Variants in SLC26A11 observed in about 807,000 individuals in gnomAD.
SLC26A11 encodes the protein solute carrier family 26 member 11, also known as sodium-independent sulfate anion transporter.
Under a neutral mutation model 62.2 loss-of-function variants are expected in SLC26A11, and 58 were observed. That is an observed-to-expected ratio of 0.93 (90% CI 0.76 to 1.16). The LOEUF is 1.16. Among genes scored for constraint, SLC26A11 ranks in the 50% most tolerant of loss-of-function variants. SLC26A11 has a pLI of 0.00. For synonymous variants in SLC26A11, 411 were observed against 368.9 expected, an observed-to-expected ratio of 1.11 and a Z score of -1.31; for missense variants, 790 against 794.3, an observed-to-expected ratio of 0.99 and a Z score of 0.06.
rs567751738 is a variant in SLC26A11, at chr17:80,225,877, T to G, written c.554T>G (p.Leu185Arg). Residue 185 changes from leucine to arginine, a missense_variant, in exon 6 of 18, where the codon CTG becomes CGG. By Grantham distance (102) the Leu-to-Arg change is moderately radical (BLOSUM62 -2). Transcript: ENST00000361193. ...GLQNIPRPFFLQVYHTFLRIA... is the reference protein window; with the variant it reads ...GLQNIPRPFFRQVYHTFLRIA... Reference sequence around the variant, plus strand: ...CAGAACATCCCCAGGCCGTTCTTCCTGCAGGTGTACCACACCTTCCTCAGG... The same window carrying G: ...CAGAACATCCCCAGGCCGTTCTTCCGGCAGGTGTACCACACCTTCCTCAGG... 8.1e-6 allele frequency: 13 copies of G among 1,614,058 alleles called. No homozygotes were observed. The African/African-American group carries it at 1.7e-4, about 22-fold the overall frequency.
chr17:80,223,138 C>A lies in SLC26A11; in HGVS notation c.428-114C>A. 1 of 966,552 alleles carries A rather than the reference C, an allele frequency of 1.0e-6. No individual in the cohort carries two copies. Among genetic ancestry groups the A allele is most frequent in the South Asian group, 1.4e-5 (1 of 72,440 alleles). 59.9% of individuals were successfully genotyped at this position (966,552 alleles called of 1,614,324 possible). On this transcript the variant is annotated intron_variant, in intron 4 of 17. Transcript: ENST00000361193. This position sits in a 1 kb window ranked among gnomAD's most constrained non-coding sequence, Gnocchi z 4.6. ...GTGTGTTACCCCCAGTCCTTAGCTG[C>A]GGTATCTGCTCCCCAATCCCACCCA... is the stretch of plus-strand genomic sequence containing the variant.
chr17:80,237,144 C>T (rs1249795066), intron 8 of SLC26A11, 41 bp downstream of exon 8: 23 of 1,591,130 alleles, frequency 1.4e-5, no homozygotes, highest in Non-Finnish European at 2.0e-5. Flanking sequence ...GCTGAGGCTG[C>T]GGTGGCCCCT....
intron 6 of SLC26A11, 138 bp from the exon 7 acceptor site, chr17:80,227,680 G>A (rs2042447813): frequency 3.3e-6 from 4 of 1,200,794 alleles, no homozygotes; most frequent in East Asian, 2.4e-5. Context: ...ACTCACTGTG[G>A]TCTGGGACCA....
rs145160723 is a variant in SLC26A11 at position 80,237,011 on chromosome 17, G to C, written c.820G>C (p.Gly274Arg). Reference sequence around the variant, plus strand: ...TGGATACCAGCCTTTCATCCTAACAGGGGAGACAGCTGAGGGGCTCCCTCC... The same window carrying C: ...TGGATACCAGCCTTTCATCCTAACACGGGAGACAGCTGAGGGGCTCCCTCC... ...VTGYQPFILTGETAEGLPPVR... is the reference protein window; with the variant it reads ...VTGYQPFILTRETAEGLPPVR... The change falls in exon 8 of 18, where the codon GGG (glycine) becomes CGG (arginine). Residue 274 changes from glycine (G) to arginine (R), a missense_variant. Transcript: ENST00000361193. 1.8e-3 allele frequency: 2,898 copies of C among 1,613,698 alleles called. 10 individuals are homozygous for C. The highest frequency in any genetic ancestry group is 1.7e-3 in the Non-Finnish European group (2,047 of 1,179,688).
chr17:80,250,720 A>G (rs2144990277), intron 16 of SLC26A11, among the ~76,000 whole-genome samples: 1 of 152,162 alleles, frequency 6.6e-6, no homozygotes, highest in South Asian at 2.1e-4. Flanking sequence ...CCAGCTGCTC[A>G]GGGGGCTGAG....
chr17:80,230,127 G>A (rs781382026), intron 7 of SLC26A11, among the ~76,000 whole-genome samples: 3 of 151,356 alleles, frequency 2.0e-5, no homozygotes, highest in Non-Finnish European at 2.9e-5. Flanking sequence ...CCCGGGAGGC[G>A]GAGGTTATAG....
intron 5 of SLC26A11, among the ~76,000 whole-genome samples, chr17:80,224,457 G>C (rs1282319993): frequency 8.0e-6 from 1 of 125,678 alleles, no homozygotes; most frequent in African/African-American, 3.0e-5. Context: ...GTGAGTGTGA[G>C]AGTGTGAGTG....
chr17:80,247,265 A>G (rs1241354397), intron 13 of SLC26A11, among the ~76,000 whole-genome samples: 2 of 151,908 alleles, frequency 1.3e-5, no homozygotes, highest in African/African-American at 4.8e-5. Flanking sequence ...CACGGCAACC[A>G]TCCGATTTCT....
Position 80,251,349 on chromosome 17 carries a change from G to C in SLC26A11, c.1677G>C (p.Leu559=). Residue 559 remains leucine, a synonymous_variant, in exon 17 of 18, where the codon CTG becomes CTC. Transcript: ENST00000361193. ...CTCAGGTCCCCGTTCTCCGTGTCCTGCTGTCCGCTGACCTGAAGGGGTTCC... is the reference window on the plus strand; with the variant it reads ...CTCAGGTCCCCGTTCTCCGTGTCCTCCTGTCCGCTGACCTGAAGGGGTTCC... ...VGLQVPVLRV[L]LSADLKGFQY... is the part of the protein sequence containing the mutation. 3.1e-6 allele frequency: 5 copies of C among 1,614,058 alleles called. No individual in the cohort carries two copies. Among genetic ancestry groups the C allele is most frequent in the Non-Finnish European group, 4.2e-6 (5 of 1,179,976 alleles).
rs1051751228 is a variant in SLC26A11, at chr17:80,223,504, CCT to C, written c.513+168_513+169del. ...AAGCACGCGGTGCTCTCATGGGTCC[CCT>C]GTTAATAAAATGACCCTCCTGGGAG... is the stretch of plus-strand genomic sequence containing the variant. On this transcript the variant is annotated intron_variant, in intron 5 of 17. Coordinates refer to ENST00000361193, the MANE Select transcript of SLC26A11 (RefSeq NM_001166347.2). The surrounding 1 kb of genome is among the most constrained non-coding windows in gnomAD (Gnocchi z 4.6). Among the ~76,000 whole-genome samples, 2 of 152,186 alleles carry C rather than the reference CCT, an allele frequency of 1.3e-5. No homozygotes were observed. The highest frequency in any genetic ancestry group is 4.8e-5 in the African/African-American group (2 of 41,430).
In SLC26A11 at chr17:80,227,907, A is replaced by C. The variant is rs2042455160; in HGVS notation, c.683A>C (p.Glu228Ala). ...GACCACGTGCCTCCCGTCCACCCCG[A>C]GATGCCCCCTGGTGTGCGGCTCAGC... is the stretch of plus-strand genomic sequence containing the variant. ...MRDHVPPVHPEMPPGVRLSRG... is the reference protein window; with the variant it reads ...MRDHVPPVHPAMPPGVRLSRG... The change falls in exon 7 of 18, where the codon GAG becomes GCG. Residue 228 changes from glutamate to alanine, a missense_variant. Coordinates refer to ENST00000361193, the MANE Select transcript of SLC26A11 (RefSeq NM_001166347.2). 6.2e-7 allele frequency: 1 copy of C among 1,601,280 alleles called. No individual in the cohort carries two copies.
At chr17:80,237,443 G>T (rs2042729308) in intron 8 of SLC26A11, 79 bp from the exon 9 acceptor site, 2 of 1,346,724 alleles carry the variant, frequency 1.5e-6, no homozygotes, top group Admixed American at 2.2e-5. Context: ...GGGCGGGGTG[G>T]GTCCTTGCTG....
intron 13 of SLC26A11, among the ~76,000 whole-genome samples, chr17:80,247,331 A>C (rs373799285): frequency 6.6e-6 from 1 of 151,966 alleles, no homozygotes. Context: ...CATTGTCATC[A>C]TGGCGCGTTC....
chr17:80,241,456 T>G (rs1212868815), intron 9 of SLC26A11, among the ~76,000 whole-genome samples: 1 of 152,104 alleles, frequency 6.6e-6, no homozygotes, highest in Non-Finnish European at 1.5e-5. Flanking sequence ...GATGAGATTT[T>G]GCCATGTTGC....
rs766772818 is a variant in SLC26A11, at chr17:80,237,512, C to T, written c.913-10C>T. The T allele has an allele frequency of 1.6e-5, 25 of 1,607,438 alleles. No homozygotes were observed. The South Asian group carries it at 2.7e-4, about 17-fold the overall frequency. On this transcript the variant is annotated splice_polypyrimidine_tract_variant and intron_variant, in intron 8 of 17. Transcript: ENST00000361193. ...GGAAGGTCACTCACCATCCCTCTCT[C>T]CTCTCTCAGGACATGGGAGCCGGGC... is the stretch of plus-strand genomic sequence containing the variant.
In SLC26A11 at chr17:80,250,829, AAAAC is replaced by A. The variant is rs71365594; in HGVS notation, c.1657-484_1657-481del. On this transcript the variant is annotated intron_variant, in intron 16 of 17. Coordinates refer to ENST00000361193, the MANE Select transcript of SLC26A11 (RefSeq NM_001166347.2). The stretch of plus-strand genomic sequence containing the variant: ...GTAACAAGAGTGAAACTCCATCTCA[AAAAC>A]AAACAAACAAACAAAAAGTCCTCTG... 1.4e-3 allele frequency among the ~76,000 whole-genome samples: 203 copies of A among 150,138 alleles called. 2 individuals are homozygous for A. The highest frequency in any genetic ancestry group is 4.3e-3 in the African/African-American group (177 of 40,928).
rs1567949095 is a variant in SLC26A11 at position 80,228,452 on chromosome 17, ACT to A, written c.736+495_736+496del. On this transcript the variant is annotated intron_variant, in intron 7 of 17. Coordinates refer to ENST00000361193, the MANE Select transcript of SLC26A11 (RefSeq NM_001166347.2). The surrounding 1 kb of genome is among the most constrained non-coding windows in gnomAD (Gnocchi z 4.1). The stretch of plus-strand genomic sequence containing the variant: ...CGACCCAAACTCTAGAACATTTAAA[ACT>A]CTGAGCCAAACTCGGTGGGTTCTGA... Among the ~76,000 whole-genome samples the A allele has an allele frequency of 6.6e-6, 1 of 151,706 alleles. No homozygotes were observed. Among genetic ancestry groups the A allele is most frequent in the Non-Finnish European group, 1.5e-5 (1 of 67,924 alleles).
At chr17:80,233,407 G>T (rs1341046726) in intron 7 of SLC26A11, among the ~76,000 whole-genome samples, 1 of 152,174 alleles carries the variant, frequency 6.6e-6, no homozygotes, top group Admixed American at 6.5e-5. Flanking sequence ...TGAGATTGCA[G>T]ATGTGAGCCA....
rs112831546 is a variant in SLC26A11 at position 80,246,507 on chromosome 17, A to G, written c.1154-2A>G. Reference sequence around the variant, plus strand: ...GGTCACCTGTGTTCCCGTGCCCCGCAGGAGTGCTGGTGCTGCTGTCTCTGG... The same window carrying G: ...GGTCACCTGTGTTCCCGTGCCCCGCGGGAGTGCTGGTGCTGCTGTCTCTGG... On this transcript the variant is annotated splice_acceptor_variant, in intron 12 of 17. Coordinates refer to ENST00000361193, the MANE Select transcript of SLC26A11 (RefSeq NM_001166347.2). LOFTEE classifies it high-confidence loss of function. The surrounding 1 kb of genome is among the most constrained non-coding windows in gnomAD (Gnocchi z 4.4). The G allele has an allele frequency of 6.2e-7, 1 of 1,610,714 alleles. No individual in the cohort carries two copies. The highest frequency in any genetic ancestry group is 8.5e-7 in the Non-Finnish European group (1 of 1,179,980).
Sources: gnomAD v4.1 joint callset for allele counts (sites outside exome capture counted in the v4.1 genomes callset) on GRCh38, gnomAD v4.1.1 for gene constraint, Gnocchi (gnomAD v3.1) non-coding constraint, MANE v1.5 for transcripts, NCBI Gene and HGNC (gene_info 2026-07-23, HGNC 2026-07-21) for gene names.